Variants in CLSTN2 observed in about 807,000 individuals in gnomAD.
The protein encoded by CLSTN2 is calsyntenin 2.
CLSTN2 carries 48 observed loss-of-function variants against 101.2 expected under a neutral mutation model. The ratio of observed to expected loss-of-function variants is 0.47; its 90% CI spans 0.38 to 0.60. CLSTN2 has a LOEUF of 0.60. CLSTN2 is among the 20% of genes least tolerant of loss of function. The pLI, the probability that CLSTN2 is intolerant of heterozygous loss-of-function variation, is 0.00. For synonymous variants in CLSTN2, 481 were observed against 463.6 expected (o/e 1.04, Z -0.48); for missense variants, 1,160 against 1,238.2 (o/e 0.94, Z 0.95).
chr3:140,525,882 T>C (rs1457336507), intron 8 of CLSTN2, among the ~76,000 whole-genome samples: 1 of 152,054 alleles, frequency 6.6e-6, no homozygotes, highest in Non-Finnish European at 1.5e-5. Flanking sequence ...CCCTTCATGA[T>C]AAAAACCTTC....
intron 1 of CLSTN2, among the ~76,000 whole-genome samples, chr3:140,041,915 C>T (rs991505374): frequency 6.6e-6 from 1 of 152,184 alleles, no homozygotes; most frequent in African/African-American, 2.4e-5. Flanking sequence ...CTGTTATCAG[C>T]CATGATACCT....
At chr3:140,001,309 A>G (rs938540733) in intron 1 of CLSTN2, among the ~76,000 whole-genome samples, 1 of 150,764 alleles carries the variant, frequency 6.6e-6, no homozygotes, top group African/African-American at 2.4e-5. Context: ...CTATCTACTA[A>G]TCTCATCTTC....
chr3:140,271,842 T>G (rs1488683616), intron 2 of CLSTN2, among the ~76,000 whole-genome samples: 1 of 152,220 alleles, frequency 6.6e-6, no homozygotes, highest in East Asian at 1.9e-4. Flanking sequence ...ACGCTACATG[T>G]GCTTGTATAA....
At chr3:140,412,375 T>A (rs113294621) in intron 4 of CLSTN2, among the ~76,000 whole-genome samples, 1 of 152,182 alleles carries the variant, frequency 6.6e-6, no homozygotes, top group Non-Finnish European at 1.5e-5. Context: ...GGAGGTCACA[T>A]GTTCACTGAA....
chr3:140,046,701 C>A (rs6765450), intron 1 of CLSTN2, among the ~76,000 whole-genome samples: 1,930 of 152,188 alleles, frequency 0.013, 47 homozygotes, highest in African/African-American at 0.042. Context: ...TCTTGTAGGG[C>A]AGGCCTGGTA....
Position 140,266,202 on chromosome 3 carries a change from T to C in CLSTN2, c.232+90129T>C, listed in dbSNP as rs977053249. Among the ~76,000 whole-genome samples, 9 of 152,256 alleles carry C rather than the reference T, an allele frequency of 5.9e-5. No individual in the cohort carries two copies. In the South Asian group the frequency reaches 1.5e-3, roughly 25 times the overall value. On this transcript the variant is annotated intron_variant, in intron 2 of 16. Coordinates refer to ENST00000458420, the MANE Select transcript of CLSTN2 (RefSeq NM_022131.3). Reference sequence around the variant, plus strand: ...TGATTACCCTGATGGCTGGAGGGAATGGAGAGAAGATGCTATACCTTGAGT... The same window carrying C: ...TGATTACCCTGATGGCTGGAGGGAACGGAGAGAAGATGCTATACCTTGAGT...
intron 7 of CLSTN2, chr3:140,460,435 T>C (rs1314075950): frequency 2.0e-5 from 3 of 153,308 alleles, no homozygotes; most frequent in Non-Finnish European, 4.4e-5. Flanking sequence ...CTTATGAGGA[T>C]TGAATGACTT....
At chr3:140,483,584 C>A (rs1449275226) in intron 8 of CLSTN2, among the ~76,000 whole-genome samples, 1 of 152,136 alleles carries the variant, frequency 6.6e-6, no homozygotes, top group Non-Finnish European at 1.5e-5. Flanking sequence ...GTCTAAGTCT[C>A]TTTGTAGGTC....
At chr3:140,344,072 G>T (rs555372161) in intron 2 of CLSTN2, among the ~76,000 whole-genome samples, 1 of 152,112 alleles carries the variant, frequency 6.6e-6, no homozygotes, top group Non-Finnish European at 1.5e-5. Flanking sequence ...CTTCTCCAGC[G>T]TCCTCTCTTC....
intron 2 of CLSTN2, among the ~76,000 whole-genome samples, chr3:140,321,712 G>A (rs529712770): frequency 3.3e-5 from 5 of 152,224 alleles, no homozygotes; most frequent in Non-Finnish European, 7.4e-5. Flanking sequence ...AAGGCAGTTA[G>A]GAGGCATCCA....
At chr3:140,473,662 C>A (rs548536897) in intron 8 of CLSTN2, among the ~76,000 whole-genome samples, 1 of 152,232 alleles carries the variant, frequency 6.6e-6, no homozygotes, top group East Asian at 1.9e-4. Flanking sequence ...CCTGCTGACA[C>A]CTCCATTTTA....
intron 2 of CLSTN2, among the ~76,000 whole-genome samples, chr3:140,356,756 C>CAAAAA (rs55634580): frequency 1.1e-4 from 12 of 110,536 alleles, no homozygotes; most frequent in East Asian, 5.1e-4. Context: ...GACCTTGTCT[C>CAAAAA]AAAAAAAAAA....
At chr3:140,009,375 T>C (rs1339471236) in intron 1 of CLSTN2, among the ~76,000 whole-genome samples, 1 of 152,226 alleles carries the variant, frequency 6.6e-6, no homozygotes, top group Non-Finnish European at 1.5e-5. Flanking sequence ...ATAGTTCAGA[T>C]AAACAAATTC....
chr3:140,187,865 G>A (rs1396930024), intron 2 of CLSTN2, among the ~76,000 whole-genome samples: 13 of 152,100 alleles, frequency 8.5e-5, no homozygotes, highest in Admixed American at 5.2e-4. Flanking sequence ...CAGACAGCAG[G>A]GGAGTGCTGA....
intron 2 of CLSTN2, among the ~76,000 whole-genome samples, chr3:140,266,091 A>G (rs2086691513): frequency 6.6e-6 from 1 of 152,106 alleles, no homozygotes; most frequent in Non-Finnish European, 1.5e-5. Flanking sequence ...TCTGAAACAG[A>G]GGTGCTGGAT....
chr3:140,332,364 G>A (rs1323428115), intron 2 of CLSTN2, among the ~76,000 whole-genome samples: 2 of 152,202 alleles, frequency 1.3e-5, no homozygotes, highest in African/African-American at 4.8e-5. Context: ...GTCCTATCCT[G>A]GAGGAAAAGC....
intron 1 of CLSTN2, among the ~76,000 whole-genome samples, chr3:140,058,161 G>A (rs953952395): frequency 3.3e-5 from 5 of 152,156 alleles, no homozygotes; most frequent in Non-Finnish European, 4.4e-5. Flanking sequence ...TGAAGTGAAC[G>A]GTTGTGAGAT....
intron 5 of CLSTN2, among the ~76,000 whole-genome samples, chr3:140,429,205 T>A (rs1031412409): frequency 3.3e-5 from 5 of 152,128 alleles, no homozygotes; most frequent in African/African-American, 1.2e-4. Context: ...AATATTTTTT[T>A]TTGGAGTGAA....
At chr3:139,971,257 G>A (rs373125643) in intron 1 of CLSTN2, among the ~76,000 whole-genome samples, 3 of 152,154 alleles carry the variant, frequency 2.0e-5, no homozygotes, top group East Asian at 3.9e-4. Flanking sequence ...TAGATGAGAG[G>A]CATCATAAAA....
Sources: gnomAD v4.1 joint callset for allele counts (sites outside exome capture counted in the v4.1 genomes callset) on GRCh38, gnomAD v4.1.1 for gene constraint, MANE v1.5 for transcripts, NCBI Gene and HGNC (gene_info 2026-07-23, HGNC 2026-07-21) for gene names.